TENM3: variants seen among roughly 807,000 people sequenced by gnomAD.
TENM3 encodes teneurin-3.
In TENM3, 63 loss-of-function variants were observed where a neutral mutation model predicts 255.1. The ratio of observed to expected loss-of-function variants is 0.25; its 90% CI spans 0.20 to 0.30. TENM3 has a LOEUF of 0.30. Among genes scored for constraint, TENM3 ranks in the 10% least tolerant of loss-of-function variants. The pLI, the probability that TENM3 is intolerant of heterozygous loss-of-function variation, is 1.00. For missense variants in TENM3, 2,929 were observed against 3,461.1 expected, an observed-to-expected ratio of 0.85 and a Z score of 3.86; for synonymous variants, 1,306 against 1,322.3, an observed-to-expected ratio of 0.99 and a Z score of 0.27.
At chr4:182,518,513 C>A (rs1738229922) in intron 3 of TENM3, among the ~76,000 whole-genome samples, 2 of 151,166 alleles carry the variant, frequency 1.3e-5, no homozygotes, top group Admixed American at 6.6e-5. Context: ...TTCCAGTTAG[C>A]CTAAAAAAAA....
chr4:181,936,796 A>G, the TENM3 span, among the ~76,000 whole-genome samples: 10 of 151,954 alleles, frequency 6.6e-5, no homozygotes, highest in African/African-American at 2.2e-4. Context: ...CCAAGACCCA[A>G]GGAAAGCCCA....
In TENM3 at chr4:182,496,131, C is replaced by T. The variant is rs544438068; in HGVS notation, c.512-104793C>T. 9.9e-5 allele frequency among the ~76,000 whole-genome samples: 15 copies of T among 152,184 alleles called. No individual in the cohort carries two copies. The South Asian group carries it at 1.9e-3, about 19-fold the overall frequency. ...TAGAATTAAAGTTTGTGTATATGTCCGGACCCCTTTTTAAAGGGGCCAGTC... is the reference window on the plus strand; with the variant it reads ...TAGAATTAAAGTTTGTGTATATGTCTGGACCCCTTTTTAAAGGGGCCAGTC... On this transcript the variant is annotated intron_variant, in intron 3 of 27. Transcript: ENST00000511685.
At chr4:182,236,912 C>T (rs1756931417) in intron 1 of TENM3, among the ~76,000 whole-genome samples, 1 of 152,170 alleles carries the variant, frequency 6.6e-6, no homozygotes, top group African/African-American at 2.4e-5. Flanking sequence ...AATGTGTGCC[C>T]TGGTGGTTTG....
At chr4:182,442,683 C>T (rs985554492) in intron 3 of TENM3, among the ~76,000 whole-genome samples, 10 of 152,006 alleles carry the variant, frequency 6.6e-5, no homozygotes, top group South Asian at 2.1e-4. Context: ...CCTCCACCTC[C>T]GAGGCTCAAG....
intron 3 of TENM3, among the ~76,000 whole-genome samples, chr4:182,584,882 T>A (rs1165211591): frequency 6.6e-6 from 1 of 152,100 alleles, no homozygotes; most frequent in Non-Finnish European, 1.5e-5. Flanking sequence ...CCTCAGGCAA[T>A]CCACCCACCT....
chr4:182,304,320 C>A (rs2150383721), intron 1 of TENM3, among the ~76,000 whole-genome samples: 1 of 152,132 alleles, frequency 6.6e-6, no homozygotes, highest in Admixed American at 6.5e-5. Flanking sequence ...TCAAGCGATT[C>A]TCCTCCCTCA....
At chr4:182,255,732 A>T (rs985684731) in intron 1 of TENM3, among the ~76,000 whole-genome samples, 4 of 152,086 alleles carry the variant, frequency 2.6e-5, no homozygotes, top group Non-Finnish European at 4.4e-5. Flanking sequence ...GTATGGGGAG[A>T]GGATGGGTTC....
At chr4:181,538,546 C>G in the TENM3 span, among the ~76,000 whole-genome samples, 5 of 151,958 alleles carry the variant, frequency 3.3e-5, no homozygotes, top group African/African-American at 1.2e-4. Flanking sequence ...GGGGGAACAT[C>G]AGGGAACTAT....
the TENM3 span, among the ~76,000 whole-genome samples, chr4:181,823,443 A>C: frequency 1.3e-5 from 2 of 152,180 alleles, no homozygotes; most frequent in East Asian, 3.9e-4. Context: ...CCTCCCATCC[A>C]AAAGAATGGT....
the TENM3 span, among the ~76,000 whole-genome samples, chr4:181,629,138 T>C: frequency 6.6e-6 from 1 of 152,186 alleles, no homozygotes; most frequent in African/African-American, 2.4e-5. Flanking sequence ...TCTCTGTTTG[T>C]CTGTTATTTG....
At chr4:182,648,506 C>T (rs1402616170) in intron 5 of TENM3, among the ~76,000 whole-genome samples, 1 of 152,108 alleles carries the variant, frequency 6.6e-6, no homozygotes, top group Admixed American at 6.6e-5. Context: ...GTCTCAAACT[C>T]CTGACCTCAA....
At chr4:181,550,014 C>T in the TENM3 span, among the ~76,000 whole-genome samples, 4 of 151,936 alleles carry the variant, frequency 2.6e-5, no homozygotes, top group Non-Finnish European at 2.9e-5. Context: ...CAAGAGTGCT[C>T]GGGGTTCATT....
Position 182,738,538 on chromosome 4 carries a change from C to T in TENM3, c.3373C>T (p.Gln1125Ter). Residue 1125 changes from glutamine to a stop codon, truncating the protein, a stop_gained, in exon 18 of 28, where the codon CAG (glutamine) becomes TAG (stop). Transcript: ENST00000511685. LOFTEE classifies it high-confidence loss of function. ...AGATAAACATCACGTGCTGGATGTA[C>T]AGAACGGTAAGCTCTTGTTCATAGA... ...TLDKHHVLDV[Q>*]NGILYKGNGE... 1 of 1,610,514 alleles carries T rather than the reference C, an allele frequency of 6.2e-7. No individual in the cohort carries two copies. Among genetic ancestry groups the T allele is most frequent in the Non-Finnish European group, 8.5e-7 (1 of 1,178,324 alleles).
At chr4:181,658,604 G>T in the TENM3 span, among the ~76,000 whole-genome samples, 1 of 152,148 alleles carries the variant, frequency 6.6e-6, no homozygotes. Flanking sequence ...GATCTCTGAA[G>T]GTGGGGTTTT....
the TENM3 span, among the ~76,000 whole-genome samples, chr4:182,024,003 C>T: frequency 3.9e-5 from 6 of 152,142 alleles, no homozygotes; most frequent in South Asian, 4.1e-4. Context: ...TATTTCATTC[C>T]GCTGTAAGAG....
At chr4:182,195,643 A>C in intron 1 of TENM3, among the ~76,000 whole-genome samples, 1 of 152,120 alleles carries the variant, frequency 6.6e-6, no homozygotes, top group East Asian at 1.9e-4. Context: ...CTGTCTCTTA[A>C]AAAATATAAA....
the TENM3 span, among the ~76,000 whole-genome samples, chr4:181,504,254 C>T: frequency 1.3e-5 from 2 of 152,196 alleles, no homozygotes; most frequent in African/African-American, 4.8e-5. Flanking sequence ...TGCCGCTGCT[C>T]CCGACTGTGG....
intron 1 of TENM3, among the ~76,000 whole-genome samples, chr4:182,248,095 AG>A (rs2150101183): frequency 6.6e-6 from 1 of 152,350 alleles, no homozygotes; most frequent in East Asian, 1.9e-4. Flanking sequence ...TAGGCTTTTA[AG>A]CAAGCATATA....
At chr4:181,611,869 G>C in the TENM3 span, among the ~76,000 whole-genome samples, 2 of 152,180 alleles carry the variant, frequency 1.3e-5, no homozygotes, top group Admixed American at 6.5e-5. Context: ...TGATCACTTG[G>C]AATTCACTTT....
Sources: allele counts gnomAD v4.1 joint callset (sites outside exome capture counted in the v4.1 genomes callset), GRCh38; gene constraint gnomAD v4.1.1; transcripts MANE v1.5; gene names NCBI Gene and HGNC (gene_info 2026-07-23, HGNC 2026-07-21).